KCNMA1: variants seen among roughly 807,000 people sequenced by gnomAD.
The protein encoded by KCNMA1 is Calcium-activated potassium channel subunit alpha-1.
A neutral mutation model predicts 140.0 loss-of-function variants in KCNMA1; 29 were observed. That is an observed-to-expected ratio of 0.21 (90% confidence interval 0.15 to 0.28). KCNMA1 has a LOEUF of 0.28. Among genes scored for constraint, KCNMA1 ranks in the 10% least tolerant of loss-of-function variants. The pLI is 1.00. For missense variants in KCNMA1, 880 were observed against 1,602.2 expected, an observed-to-expected ratio of 0.55 and a Z score of 7.70; for synonymous variants, 612 against 611.9, an observed-to-expected ratio of 1.00 and a Z score of 0.00.
chr10:77,276,084 A>G (rs2066598507), intron 2 of KCNMA1, among the ~76,000 whole-genome samples: 1 of 152,156 alleles, frequency 6.6e-6, no homozygotes, highest in Non-Finnish European at 1.5e-5. Context: ...AGTCAACATG[A>G]GTACCACAGT....
intron 1 of KCNMA1, among the ~76,000 whole-genome samples, chr10:77,550,949 A>T (rs1374465001): frequency 6.6e-6 from 1 of 152,232 alleles, no homozygotes; most frequent in Non-Finnish European, 1.5e-5. Flanking sequence ...CTCAGGGGAC[A>T]CACTCATAGA....
intron 3 of KCNMA1, among the ~76,000 whole-genome samples, chr10:77,236,114 C>A (rs2055346556): frequency 6.6e-6 from 1 of 152,140 alleles, no homozygotes. Context: ...TTACATGATC[C>A]AGTCCCAGTA....
intron 3 of KCNMA1, among the ~76,000 whole-genome samples, chr10:77,214,900 T>C (rs1202743674): frequency 6.6e-6 from 1 of 151,018 alleles, no homozygotes; most frequent in Non-Finnish European, 1.5e-5. Flanking sequence ...CCTTCTCTCC[T>C]CTCCCTACAC....
rs1237467327 is a variant in KCNMA1, at chr10:77,468,450, T to C, written c.379-64427A>G. On this transcript the variant is annotated intron_variant, in intron 1 of 27. Transcript: ENST00000286628. ...AGAGACAGGGTATTCAAAGATGTGA[T>C]AAAATTAAAATGAGGTCATTAGGGT... is the stretch of plus-strand genomic sequence containing the variant. 4.6e-5 allele frequency among the ~76,000 whole-genome samples: 7 copies of C among 152,248 alleles called. No homozygotes were observed. In the South Asian group the frequency reaches 1.5e-3, roughly 32 times the overall value.
At chr10:76,894,890 G>A (rs2041824265) in intron 25 of KCNMA1, among the ~76,000 whole-genome samples, 1 of 152,162 alleles carries the variant, frequency 6.6e-6, no homozygotes, top group African/African-American at 2.4e-5. Context: ...AAGTGGTGCA[G>A]TTAAGGGAGG....
chr10:77,364,923 G>T (rs566171006), intron 2 of KCNMA1, among the ~76,000 whole-genome samples: 8 of 152,144 alleles, frequency 5.3e-5, no homozygotes, highest in Non-Finnish European at 1.2e-4. Flanking sequence ...AATAGGAACC[G>T]GGCTAGAATC....
At chr10:77,556,293 T>G (rs2064344439) in intron 1 of KCNMA1, among the ~76,000 whole-genome samples, 1 of 151,864 alleles carries the variant, frequency 6.6e-6, no homozygotes, top group Admixed American at 6.6e-5. Context: ...TCATTTGAGT[T>G]TAGGAGTTCG....
At chr10:77,089,106 G>T (rs2096758956) in intron 10 of KCNMA1, among the ~76,000 whole-genome samples, 1 of 152,218 alleles carries the variant, frequency 6.6e-6, no homozygotes, top group African/African-American at 2.4e-5. Flanking sequence ...GTGGGTACCT[G>T]CTCCTGTGCT....
At chr10:77,212,666 T>C (rs569968000) in intron 3 of KCNMA1, among the ~76,000 whole-genome samples, 2 of 152,254 alleles carry the variant, frequency 1.3e-5, no homozygotes, top group South Asian at 4.1e-4. Context: ...CTTCTCTCCC[T>C]CCCCTGCTCA....
chr10:77,243,036 T>C (rs1181061637), intron 3 of KCNMA1, among the ~76,000 whole-genome samples: 1 of 152,202 alleles, frequency 6.6e-6, no homozygotes, highest in African/African-American at 2.4e-5. Flanking sequence ...TTGAGAGTTC[T>C]ATTTTTAAGC....
intron 3 of KCNMA1, among the ~76,000 whole-genome samples, chr10:77,214,343 A>G (rs2047042911): frequency 6.6e-6 from 1 of 152,140 alleles, no homozygotes; most frequent in Non-Finnish European, 1.5e-5. Flanking sequence ...AAGTCACATA[A>G]AAGAATCAGG....
At chr10:77,426,851 C>T (rs976895813) in intron 1 of KCNMA1, among the ~76,000 whole-genome samples, 1 of 152,216 alleles carries the variant, frequency 6.6e-6, no homozygotes, top group Non-Finnish European at 1.5e-5. Flanking sequence ...CCTTCCAGGG[C>T]CACGCTTTCC....
Position 77,280,897 on chromosome 10 carries a change from CAT to C in KCNMA1, c.541-29643_541-29642del, listed in dbSNP as rs1341612621. ...TAGGAGTAGAATAAAATCTTTAACA[CAT>C]ATTCATTTTGATATCTGAAAGTCAT... On this transcript the variant is annotated intron_variant, in intron 2 of 27. Coordinates refer to ENST00000286628, the MANE Select transcript of KCNMA1 (RefSeq NM_001161352.2). Among the ~76,000 whole-genome samples the C allele has an allele frequency of 2.0e-5, 3 of 152,278 alleles. No individual in the cohort carries two copies. In the South Asian group the frequency reaches 6.2e-4, roughly 32 times the overall value.
exon 30 of KCNMA1, chr10:76,877,820 G>A: frequency 6.2e-7 from 1 of 1,602,102 alleles, no homozygotes. Context: ...TAGCCATGTG[G>A]GTACTCATGG....
intron 19 of KCNMA1, among the ~76,000 whole-genome samples, chr10:76,992,037 T>C (rs2082916334): frequency 1.3e-5 from 2 of 152,176 alleles, no homozygotes; most frequent in Non-Finnish European, 2.9e-5. Flanking sequence ...AAAGATTCCA[T>C]TTTCTATTTG....
rs767673552 is a variant in KCNMA1 at position 77,382,865 on chromosome 10, CA to C, written c.540+20996del. ...GGGAGACAAGAGCAAAGCTCCGTCT[CA>C]AAAAAAAAAAAAAAAAAAAATATAT... On this transcript the variant is annotated intron_variant, in intron 2 of 27. Coordinates refer to ENST00000286628, the MANE Select transcript of KCNMA1 (RefSeq NM_001161352.2). Among the ~76,000 whole-genome samples the C allele has an allele frequency of 6.2e-3, 297 of 47,598 alleles. 2 individuals are homozygous for C. Among genetic ancestry groups the C allele is most frequent in the South Asian group, 0.026 (17 of 660 alleles). 31.2% of individuals were successfully genotyped at this position (47,598 alleles called of 152,430 possible). A position where few individuals can be genotyped will look rare whatever the true frequency, so the allele number is the denominator to read the frequency against.
intron 2 of KCNMA1, among the ~76,000 whole-genome samples, chr10:77,284,794 G>T (rs959079659): frequency 2.0e-5 from 3 of 152,000 alleles, no homozygotes; most frequent in Non-Finnish European, 4.4e-5. Flanking sequence ...GATTACAGGT[G>T]TGAACCACCG....
At chr10:77,064,411 T>G (rs1443897498) in intron 14 of KCNMA1, among the ~76,000 whole-genome samples, 1 of 152,238 alleles carries the variant, frequency 6.6e-6, no homozygotes. Flanking sequence ...TTCAACTTCT[T>G]TTATTTTATT....
In KCNMA1 at chr10:77,572,569, C is replaced by CTATATAT. The variant is rs2071879711; in HGVS notation, c.378+64695_378+64696insATATATA. Among the ~76,000 whole-genome samples, 21 of 37,560 alleles carry CTATATAT rather than the reference C, an allele frequency of 5.6e-4. 1 individual carries two copies. The highest frequency in any genetic ancestry group is 2.2e-3 in the African/African-American group (20 of 9,276). The allele number at this position is 37,560 out of a possible 152,430, so 24.6% of individuals were successfully genotyped here. On this transcript the variant is annotated intron_variant, in intron 1 of 27. Coordinates refer to ENST00000286628, the MANE Select transcript of KCNMA1 (RefSeq NM_001161352.2). Reference sequence around the variant, plus strand: ...TGTCGCTCCAAAAAAAAAAAAAATCCATATATATATATATATATATATATA... The same window carrying CTATATAT: ...TGTCGCTCCAAAAAAAAAAAAAATCCTATATATATATATATATATATATATATATATA...
Sources: allele counts gnomAD v4.1 joint callset (sites outside exome capture counted in the v4.1 genomes callset), GRCh38; gene constraint gnomAD v4.1.1; transcripts MANE v1.5; gene names NCBI Gene and HGNC (gene_info 2026-07-23, HGNC 2026-07-21).